Variants in RBL1 observed in about 807,000 individuals in gnomAD.
RBL1 encodes the protein retinoblastoma-like protein 1.
In RBL1, 82 loss-of-function variants were observed where a neutral mutation model predicts 123.0. The ratio of observed to expected loss-of-function variants is 0.67; its 90% CI spans 0.56 to 0.80. The LOEUF is 0.80. Among genes scored for constraint, RBL1 ranks in the 30% least tolerant of loss-of-function variants. The pLI, the probability that RBL1 is intolerant of heterozygous loss-of-function variation, is 0.00. For synonymous variants in RBL1, 405 were observed against 441.3 expected (o/e 0.92, Z 1.03); for missense variants, 1,171 against 1,299.6 (o/e 0.90, Z 1.52).
At chr20:37,062,631 A>G (rs1212397018) in intron 7 of RBL1, among the ~76,000 whole-genome samples, 6 of 140,604 alleles carry the variant, frequency 4.3e-5, no homozygotes, top group Middle Eastern at 3.6e-3. Context: ...TGGCAACAGA[A>G]CAAGACTCTG....
intron 11 of RBL1, among the ~76,000 whole-genome samples, chr20:37,050,508 G>A (rs2064891051): frequency 8.2e-6 from 1 of 121,224 alleles, no homozygotes; most frequent in African/African-American, 3.2e-5. Flanking sequence ...TTGCACCACT[G>A]CACTCCAGTC....
chr20:37,048,047 A>G (rs2064845169), intron 11 of RBL1, among the ~76,000 whole-genome samples: 1 of 152,164 alleles, frequency 6.6e-6, no homozygotes, highest in South Asian at 2.1e-4. Flanking sequence ...GGAGGATAAA[A>G]AACAGAAACT....
chr20:37,001,018 G>A (rs2063968035), intron 21 of RBL1, among the ~76,000 whole-genome samples: 1 of 142,932 alleles, frequency 7.0e-6, no homozygotes, highest in Non-Finnish European at 1.5e-5. Context: ...CATCCGGGAG[G>A]GAGGTGGGGG....
chr20:37,033,516 T>C (rs2064549676), intron 15 of RBL1, among the ~76,000 whole-genome samples: 1 of 151,510 alleles, frequency 6.6e-6, no homozygotes. Flanking sequence ...AGTTTTGCCA[T>C]GTTGCCCAGG....
At position 37,068,180 on chromosome 20, in the gene RBL1, T is replaced by A. The variant is rs769237467; in HGVS notation, c.297A>T (p.Ile99=). 6.4e-7 allele frequency: 1 copy of A among 1,563,286 alleles called. No individual in the cohort carries two copies. Among genetic ancestry groups the A allele is most frequent in the Non-Finnish European group, 8.6e-7 (1 of 1,161,170 alleles). Reference sequence around the variant, plus strand: ...ATTTCTTCATTTTACTAAAAAATTGTATTAAACTAAAAAAAAAAAGGAGGA... The same window carrying A: ...ATTTCTTCATTTTACTAAAAAATTGAATTAAACTAAAAAAAAAAAGGAGGA... The part of the protein sequence containing the change: ...RILRSAKLSL[I]QFFSKMKKWM... The change falls in exon 3 of 22, where the codon ATA becomes ATT. Residue 99 remains isoleucine (I), a synonymous_variant. Coordinates refer to ENST00000373664, the MANE Select transcript of RBL1 (RefSeq NM_002895.5).
At chr20:37,035,593 T>C in intron 14 of RBL1, 85 bp from the exon 15 acceptor site, 3 of 1,183,202 alleles carry the variant, frequency 2.5e-6, no homozygotes, top group East Asian at 5.2e-5. Context: ...GATAGTGAGT[T>C]ACTTATGCTG....
At position 37,095,550 on chromosome 20, in the gene RBL1, G is replaced by C. The variant is rs551084520; in HGVS notation, c.156+223C>G. ...GGTCAGGAAGCCTGGGGTCTGAGCG[G>C]CGCGGGACCTAGGCCGCTCCTTTCC... is the stretch of plus-strand genomic sequence containing the variant. On this transcript the variant is annotated intron_variant, in intron 1 of 21. Coordinates refer to ENST00000373664, the MANE Select transcript of RBL1 (RefSeq NM_002895.5). 3.9e-5 allele frequency among the ~76,000 whole-genome samples: 6 copies of C among 152,300 alleles called. No individual in the cohort carries two copies. The South Asian group carries it at 1.2e-3, about 32-fold the overall frequency.
chr20:37,038,319 T>G lies in RBL1; in HGVS notation c.1903+1834A>C, dbSNP rs1014634944. On this transcript the variant is annotated intron_variant, in intron 14 of 21. Transcript: ENST00000373664. ...ATGCAATCTTTTTTTTTTTTTTTTT[T>G]GGGTCGGAGACTCGCTCTTTCGCCC... Among the ~76,000 whole-genome samples the G allele has an allele frequency of 1.4e-4, 21 of 148,366 alleles. No homozygotes were observed. The South Asian group carries it at 3.6e-3, about 26-fold the overall frequency.
chr20:37,062,891 A>C (rs1408693923), intron 7 of RBL1, among the ~76,000 whole-genome samples: 1 of 149,862 alleles, frequency 6.7e-6, no homozygotes, highest in Non-Finnish European at 1.5e-5. Context: ...CTGAGGCAGA[A>C]GAATGGCATG....
intron 2 of RBL1, among the ~76,000 whole-genome samples, chr20:37,085,630 T>C (rs1426420390): frequency 1.3e-5 from 2 of 151,010 alleles, no homozygotes; most frequent in Non-Finnish European, 2.9e-5. Context: ...AGAGTTTGTT[T>C]CATTATTTGA....
At chr20:37,000,777 T>G (rs1489354577) in intron 21 of RBL1, among the ~76,000 whole-genome samples, 5 of 100,168 alleles carry the variant, frequency 5.0e-5, no homozygotes, top group South Asian at 3.7e-4. Flanking sequence ...GGCGGGGGGG[T>G]CAGCCCCCCG....
intron 19 of RBL1, among the ~76,000 whole-genome samples, chr20:37,014,213 G>A (rs2064214035): frequency 6.6e-6 from 1 of 151,830 alleles, no homozygotes; most frequent in Admixed American, 6.6e-5. Context: ...GAGTAGCTTG[G>A]ACTACAGAAG....
intron 19 of RBL1, among the ~76,000 whole-genome samples, chr20:37,012,246 T>C (rs896706498): frequency 6.6e-6 from 1 of 152,192 alleles, no homozygotes; most frequent in Non-Finnish European, 1.5e-5. Flanking sequence ...GGCCTTGGCC[T>C]CCCAAAGTGC....
intron 15 of RBL1, 54 bp from the exon 16 acceptor site, chr20:37,032,930 C>G: frequency 6.3e-7 from 1 of 1,592,456 alleles, no homozygotes; most frequent in Non-Finnish European, 8.5e-7. Context: ...GGAAAGTTGT[C>G]AACTATATAT....
intron 14 of RBL1, among the ~76,000 whole-genome samples, chr20:37,038,292 T>C (rs1600509368): frequency 6.7e-6 from 1 of 150,138 alleles, no homozygotes; most frequent in South Asian, 2.1e-4. Context: ...GTGCCTGACC[T>C]TATGCAATCT....
At chr20:37,037,545 C>T (rs1009060597) in intron 14 of RBL1, among the ~76,000 whole-genome samples, 1 of 151,972 alleles carries the variant, frequency 6.6e-6, no homozygotes, top group African/African-American at 2.4e-5. Flanking sequence ...TTTCTCTAAA[C>T]ATTAATAACT....
intron 2 of RBL1, among the ~76,000 whole-genome samples, chr20:37,080,039 A>G (rs2065423544): frequency 6.6e-6 from 1 of 151,926 alleles, no homozygotes; most frequent in Admixed American, 6.6e-5. Flanking sequence ...AATAATAGGT[A>G]TGCTATAATT....
chr20:37,056,058 A>T, intron 10 of RBL1, 88 bp downstream of exon 10: 1 of 1,495,846 alleles, frequency 6.7e-7, no homozygotes, highest in Admixed American at 2.5e-5. Flanking sequence ...AGAAATAAGA[A>T]TAACGGGAGA....
chr20:37,084,585 G>C (rs761281945), intron 2 of RBL1, among the ~76,000 whole-genome samples: 1 of 152,106 alleles, frequency 6.6e-6, no homozygotes, highest in Non-Finnish European at 1.5e-5. Context: ...TGTGGTCCCA[G>C]CTACTCGGGA....
Sources: allele counts gnomAD v4.1 joint callset (sites outside exome capture counted in the v4.1 genomes callset), GRCh38; gene constraint gnomAD v4.1.1; transcripts MANE v1.5; gene names NCBI Gene and HGNC (gene_info 2026-07-23, HGNC 2026-07-21).